Variants in PINX1 observed in about 807,000 individuals in gnomAD.
PINX1 encodes PIN2 (TERF1) interacting telomerase inhibitor 1, also known as PIN2/TERF1-interacting telomerase inhibitor 1.
A neutral mutation model predicts 25.4 loss-of-function variants in PINX1; 34 were observed. That is an observed-to-expected ratio of 1.34 (90% CI 1.02 to 1.78). PINX1 has a LOEUF of 1.78. Among genes scored for constraint, PINX1 ranks in the 40% most tolerant of loss-of-function variants. The pLI is 0.00. For missense variants in PINX1, 592 were observed against 404.9 expected, an observed-to-expected ratio of 1.46 and a Z score of -3.97; for synonymous variants, 197 against 147.7, an observed-to-expected ratio of 1.33 and a Z score of -2.42.
intron 6 of PINX1, 46 bp downstream of exon 6, chr8:10,820,147 C>T (rs1797821815): frequency 7.5e-6 from 9 of 1,205,818 alleles, no homozygotes; most frequent in Non-Finnish European, 1.1e-5. Context: ...AGGTGAAAAT[C>T]AGACAGTATT....
chr8:10,829,488 T>A (rs1798160593), intron 4 of PINX1, among the ~76,000 whole-genome samples: 1 of 152,022 alleles, frequency 6.6e-6, no homozygotes, highest in Non-Finnish European at 1.5e-5. Flanking sequence ...CACAACAACC[T>A]TCCAAAGATG....
In PINX1 at chr8:10,792,725, T is replaced by C. The variant is rs1424563678; in HGVS notation, c.472-26809A>G. Among the ~76,000 whole-genome samples the C allele has an allele frequency of 3.3e-5, 5 of 152,124 alleles. No homozygotes were observed. In the South Asian group the frequency reaches 6.2e-4, roughly 19 times the overall value. ...TGGTTGTATCTATAGGTGACTGTAATAGGAAAAAAAGAACTACTTCAGGGA... is the reference window on the plus strand; with the variant it reads ...TGGTTGTATCTATAGGTGACTGTAACAGGAAAAAAAGAACTACTTCAGGGA... On this transcript the variant is annotated intron_variant, in intron 6 of 6. Transcript: ENST00000314787.
At chr8:10,778,559 C>G (rs1211055080) in intron 6 of PINX1, among the ~76,000 whole-genome samples, 2 of 152,144 alleles carry the variant, frequency 1.3e-5, no homozygotes, top group Non-Finnish European at 2.9e-5. Flanking sequence ...TTATGAAAAA[C>G]TGGGCTGGAT....
intron 6 of PINX1, among the ~76,000 whole-genome samples, chr8:10,790,367 C>A (rs1353129785): frequency 6.6e-6 from 1 of 152,158 alleles, no homozygotes; most frequent in Non-Finnish European, 1.5e-5. Flanking sequence ...CTCACAGCAT[C>A]AGGTCAGATG....
At chr8:10,814,961 A>C (rs1797654951) in intron 6 of PINX1, among the ~76,000 whole-genome samples, 1 of 152,134 alleles carries the variant, frequency 6.6e-6, no homozygotes, top group South Asian at 2.1e-4. Context: ...TTTTTTTGAG[A>C]CAGGGTCTCA....
At chr8:10,802,608 T>G (rs1000017065) in intron 6 of PINX1, among the ~76,000 whole-genome samples, 1 of 152,200 alleles carries the variant, frequency 6.6e-6, no homozygotes, top group Non-Finnish European at 1.5e-5. Flanking sequence ...CTTGCTACTC[T>G]CAACCTTGAT....
chr8:10,778,377 G>T (rs2116096), intron 6 of PINX1, among the ~76,000 whole-genome samples: 33,403 of 151,884 alleles, frequency 0.22, 3,838 homozygotes, highest in East Asian at 0.32. Flanking sequence ...AATTGTTGTC[G>T]ATGAAACCAA....
intron 6 of PINX1, among the ~76,000 whole-genome samples, chr8:10,766,417 A>T (rs936785630): frequency 6.6e-6 from 1 of 152,202 alleles, no homozygotes; most frequent in Non-Finnish European, 1.5e-5. Flanking sequence ...TTAACCTTCC[A>T]TGAGGACAGG....
At position 10,827,734 on chromosome 8, in the gene PINX1, G is replaced by A. The variant is rs186069630; in HGVS notation, c.302-1490C>T. Among the ~76,000 whole-genome samples the A allele has an allele frequency of 4.3e-4, 65 of 150,638 alleles. No individual in the cohort carries two copies. In the East Asian group the frequency reaches 0.012, roughly 27 times the overall value. On this transcript the variant is annotated intron_variant, in intron 4 of 6. Coordinates refer to ENST00000314787, the MANE Select transcript of PINX1 (RefSeq NM_017884.6). ...ATCCTGGCTAACATGGTGAAACCCC[G>A]TCTCTACTAAAAATACAAAAAAAAA... is the stretch of plus-strand genomic sequence containing the variant.
At chr8:10,817,866 C>T (rs1404208463) in intron 6 of PINX1, among the ~76,000 whole-genome samples, 1 of 152,218 alleles carries the variant, frequency 6.6e-6, no homozygotes, top group South Asian at 2.1e-4. Flanking sequence ...AGGCTATCCC[C>T]GTGTTCTCAA....
chr8:10,800,040 C>T (rs1293073131), intron 6 of PINX1, among the ~76,000 whole-genome samples: 15 of 152,184 alleles, frequency 9.9e-5, no homozygotes, highest in Admixed American at 3.9e-4. Context: ...TGACACATCC[C>T]GGACTCTTTC....
chr8:10,816,686 T>G (rs1344862502), intron 6 of PINX1, among the ~76,000 whole-genome samples: 4 of 152,232 alleles, frequency 2.6e-5, no homozygotes, highest in Admixed American at 6.5e-5. Flanking sequence ...CATCAACCAC[T>G]GGTGTCTCTG....
chr8:10,768,665 G>A lies in PINX1; in HGVS notation c.472-2749C>T, dbSNP rs183255725. Among the ~76,000 whole-genome samples the A allele has an allele frequency of 6.3e-4, 96 of 152,254 alleles. 1 individual carries two copies. Among genetic ancestry groups the A allele is most frequent in the African/African-American group, 2.3e-3 (95 of 41,540 alleles). On this transcript the variant is annotated intron_variant, in intron 6 of 6. Coordinates refer to ENST00000314787, the MANE Select transcript of PINX1 (RefSeq NM_017884.6). Reference sequence around the variant, plus strand: ...GGGGTAGCCACCCTCCCACATCACAGAAACGTGCCTATTTTACAAGACCAT... The same window carrying A: ...GGGGTAGCCACCCTCCCACATCACAAAAACGTGCCTATTTTACAAGACCAT...
At chr8:10,794,454 G>A (rs1802023197) in intron 6 of PINX1, among the ~76,000 whole-genome samples, 1 of 149,792 alleles carries the variant, frequency 6.7e-6, no homozygotes, top group South Asian at 2.1e-4. Context: ...TTTTTTTTGA[G>A]ACGGAGTTTC....
intron 6 of PINX1, among the ~76,000 whole-genome samples, chr8:10,810,082 G>C (rs941965623): frequency 2.6e-5 from 4 of 152,162 alleles, no homozygotes; most frequent in Non-Finnish European, 5.9e-5. Context: ...TGAACTCAGA[G>C]TGAGAACTCA....
rs547813517 is a variant in PINX1 at position 10,790,881 on chromosome 8, T to C, written c.472-24965A>G. Among the ~76,000 whole-genome samples the C allele has an allele frequency of 3.9e-5, 6 of 152,194 alleles. No individual in the cohort carries two copies. In the South Asian group the frequency reaches 1.2e-3, roughly 32 times the overall value. The stretch of plus-strand genomic sequence containing the variant: ...GTCTATACTCCCTGCAGATGTCTAA[T>C]GGGGGCTCTCAGGGAAAAAAAAATC... On this transcript the variant is annotated intron_variant, in intron 6 of 6. Transcript: ENST00000314787.
At position 10,805,149 on chromosome 8, in the gene PINX1, T is replaced by C. The variant is rs548542194; in HGVS notation, c.471+15044A>G. Among the ~76,000 whole-genome samples the C allele has an allele frequency of 6.2e-4, 95 of 152,280 alleles. No individual in the cohort carries two copies. In the South Asian group the frequency reaches 0.013, roughly 21 times the overall value. On this transcript the variant is annotated intron_variant, in intron 6 of 6. Coordinates refer to ENST00000314787, the MANE Select transcript of PINX1 (RefSeq NM_017884.6). ...TCCTGGCAGAACACCTCACATTCTT[T>C]CTGTGGGAAAGGAAAATGGAGCCAG...
chr8:10,772,905 G>A (rs946628939), intron 6 of PINX1, among the ~76,000 whole-genome samples: 9 of 151,252 alleles, frequency 6.0e-5, no homozygotes, highest in African/African-American at 2.2e-4. Flanking sequence ...GTGAACTATG[G>A]CCGTGGGCCT....
At chr8:10,820,388 G>T in intron 5 of PINX1, 119 bp from the exon 6 acceptor site, 1 of 721,686 alleles carries the variant, frequency 1.4e-6, no homozygotes. Flanking sequence ...AAACAATTTT[G>T]AAACTACTGA....
Sources: gnomAD v4.1 joint callset for allele counts (sites outside exome capture counted in the v4.1 genomes callset) on GRCh38, gnomAD v4.1.1 for gene constraint, MANE v1.5 for transcripts, NCBI Gene and HGNC (gene_info 2026-07-23, HGNC 2026-07-21) for gene names.